The following TRAT1 variants were observed in gnomAD, a reference collection of about 807,000 sequenced individuals.
The protein encoded by TRAT1 is T cell receptor associated transmembrane adaptor 1.
In TRAT1, 20 loss-of-function variants were observed where a neutral mutation model predicts 20.0. The observed-to-expected ratio is 1.00, with a 90% CI of 0.70 to 1.45. The LOEUF is 1.45. TRAT1 is among the 40% of genes most tolerant of loss of function. The pLI, the probability that TRAT1 is intolerant of heterozygous loss-of-function variation, is 0.00. For synonymous variants in TRAT1, 77 were observed against 74.2 expected (o/e 1.04, Z -0.20); for missense variants, 237 against 224.1 (o/e 1.06, Z -0.37).
chr3:108,840,775 A>G (rs966195594), intron 3 of TRAT1, among the ~76,000 whole-genome samples: 1 of 152,208 alleles, frequency 6.6e-6, no homozygotes, highest in Non-Finnish European at 1.5e-5. Context: ...GACAAAACAC[A>G]CAAACAATGA....
Position 108,854,294 on chromosome 3 carries a change from T to TTC in TRAT1, c.*420_*421dup, listed in dbSNP as rs1239621824. ...TAAAAGCCAATGAGTTTTTTTTTAA[T>TTC]TCTCCTTTCTCACCAATGGGCAATA... is the stretch of plus-strand genomic sequence containing the variant. On this transcript the variant is annotated 3_prime_UTR_variant, in exon 6 of 6. Coordinates refer to ENST00000295756, the MANE Select transcript of TRAT1 (RefSeq NM_016388.4). 6.4e-6 allele frequency: 1 copy of TTC among 156,194 alleles called. No individual in the cohort carries two copies. Among genetic ancestry groups the TTC allele is most frequent in the Non-Finnish European group, 1.4e-5 (1 of 70,560 alleles). 9.7% of individuals were successfully genotyped at this position (156,194 alleles called of 1,614,324 possible).
Position 108,847,092 on chromosome 3 carries a change from C to T in TRAT1, c.177C>T (p.Asp59=), listed in dbSNP as rs140953430. 194 of 1,542,236 alleles carry T rather than the reference C, an allele frequency of 1.3e-4. No homozygotes were observed. The highest frequency in any genetic ancestry group is 1.7e-4 in the Non-Finnish European group (187 of 1,124,464). Residue 59 remains aspartate, a synonymous_variant, in exon 4 of 6, where the codon GAC becomes GAT. Transcript: ENST00000295756. ...HTRVDEYYIE[D]TPIYGNLDDM... The stretch of plus-strand genomic sequence containing the variant: ...GGGTTGATGAGTATTATATTGAAGA[C>T]ACACCAATTTATGGTAACTTAGATG...
chr3:108,826,154 G>A (rs1559819245), intron 1 of TRAT1, among the ~76,000 whole-genome samples: 1 of 152,162 alleles, frequency 6.6e-6, no homozygotes, highest in Non-Finnish European at 1.5e-5. Flanking sequence ...ATCATGATGT[G>A]CTAGGAAGAG....
intron 3 of TRAT1, among the ~76,000 whole-genome samples, chr3:108,846,176 TACTG>T (rs944808892): frequency 2.0e-5 from 3 of 152,312 alleles, no homozygotes; most frequent in Middle Eastern, 6.8e-3. Context: ...CACTGCCAGT[TACTG>T]ACTGTGTATC....
intron 3 of TRAT1, among the ~76,000 whole-genome samples, chr3:108,845,794 G>A (rs1945937363): frequency 6.6e-6 from 1 of 151,750 alleles, no homozygotes; most frequent in Admixed American, 6.6e-5. Flanking sequence ...TATGAAATGC[G>A]ACTCTCACCA....
At chr3:108,847,439 A>C (rs1440704917) in intron 4 of TRAT1, 1 of 248,726 alleles carries the variant, frequency 4.0e-6, no homozygotes, top group African/African-American at 2.3e-5. Flanking sequence ...AAATAAAGCT[A>C]TTTCTAGGAC....
chr3:108,839,476 AC>A (rs1227059373), intron 3 of TRAT1, among the ~76,000 whole-genome samples: 2 of 151,984 alleles, frequency 1.3e-5, no homozygotes, highest in African/African-American at 4.8e-5. Flanking sequence ...TAGAAAAAAA[AC>A]AAAACAAAAC....
chr3:108,849,477 A>G (rs2593835), intron 5 of TRAT1, among the ~76,000 whole-genome samples: 83,148 of 151,480 alleles, frequency 0.55, 23,202 homozygotes, highest in East Asian at 0.9. Context: ...AGGGAATAAT[A>G]GGATTATTCC....
At chr3:108,851,894 T>A (rs548145302) in intron 5 of TRAT1, among the ~76,000 whole-genome samples, 2 of 152,204 alleles carry the variant, frequency 1.3e-5, no homozygotes, top group African/African-American at 4.8e-5. Flanking sequence ...TGACCACACA[T>A]GCATTATTTG....
At chr3:108,850,954 T>G (rs919689639) in intron 5 of TRAT1, among the ~76,000 whole-genome samples, 3 of 152,246 alleles carry the variant, frequency 2.0e-5, no homozygotes, top group African/African-American at 7.2e-5. Flanking sequence ...TTAAAATGTC[T>G]TTAAAAGCCT....
intron 3 of TRAT1, among the ~76,000 whole-genome samples, chr3:108,839,851 TA>T (rs961778286): frequency 9.9e-5 from 15 of 152,020 alleles, no homozygotes; most frequent in East Asian, 1.9e-4. Context: ...TACATTTTTT[TA>T]AAAAAAATAT....
chr3:108,840,145 G>A lies in TRAT1; in HGVS notation c.152+1178G>A, dbSNP rs189875694. ...CTTTTTCCATGTGAAAATTTCTTGA[G>A]CAAGTATAAGATCTGGGCTGCAGGC... is the stretch of plus-strand genomic sequence containing the variant. On this transcript the variant is annotated intron_variant, in intron 3 of 5. Transcript: ENST00000295756. Among the ~76,000 whole-genome samples the A allele has an allele frequency of 2.0e-3, 311 of 152,116 alleles. 2 individuals are homozygous for A. Among genetic ancestry groups the A allele is most frequent in the Middle Eastern group, 0.01 (3 of 294 alleles).
intron 1 of TRAT1, among the ~76,000 whole-genome samples, chr3:108,829,083 T>C (rs1945767780): frequency 6.6e-6 from 1 of 152,194 alleles, no homozygotes; most frequent in Non-Finnish European, 1.5e-5. Flanking sequence ...GCTTGGACTA[T>C]TTCTAAAGCA....
At chr3:108,847,762 G>C (rs1407448864) in intron 4 of TRAT1, among the ~76,000 whole-genome samples, 1 of 152,050 alleles carries the variant, frequency 6.6e-6, no homozygotes, top group African/African-American at 2.4e-5. Context: ...CTAGAGTTCT[G>C]ATGATAGAAG....
In TRAT1 at chr3:108,854,511, G is replaced by C. The variant is rs975857258; in HGVS notation, c.*634G>C. 3.3e-5 allele frequency: 5 copies of C among 152,140 alleles called. No individual in the cohort carries two copies. Among genetic ancestry groups the C allele is most frequent in the African/African-American group, 1.2e-4 (5 of 41,446 alleles). The allele number at this position is 152,140 out of a possible 1,614,324, so 9.4% of individuals were successfully genotyped here. ...AAGAGTTTAGGAATTCTACTAGCCA[G>C]AGATAGTCACTTGGAGAAACTTTCT... is the stretch of plus-strand genomic sequence containing the variant. On this transcript the variant is annotated 3_prime_UTR_variant, in exon 6 of 6. Coordinates refer to ENST00000295756, the MANE Select transcript of TRAT1 (RefSeq NM_016388.4).
intron 1 of TRAT1, among the ~76,000 whole-genome samples, chr3:108,829,586 A>AACACAC (rs144318236): frequency 0.075 from 10,741 of 142,490 alleles, 451 homozygotes; most frequent in Middle Eastern, 0.14. Flanking sequence ...TCCATCTCAA[A>AACACAC]ACACACACAC....
chr3:108,828,558 TC>T (rs1210691075), intron 1 of TRAT1, among the ~76,000 whole-genome samples: 1 of 152,134 alleles, frequency 6.6e-6, no homozygotes, highest in African/African-American at 2.4e-5. Context: ...CTTAAGGAAA[TC>T]CCCAGGCCTT....
chr3:108,826,634 G>T (rs755267277), intron 1 of TRAT1, among the ~76,000 whole-genome samples: 3 of 152,106 alleles, frequency 2.0e-5, no homozygotes, highest in Non-Finnish European at 4.4e-5. Flanking sequence ...GTAGACTCAT[G>T]GGGATCATAA....
intron 3 of TRAT1, among the ~76,000 whole-genome samples, chr3:108,843,554 AAAC>A (rs201841156): frequency 0.011 from 1,730 of 152,002 alleles, 22 homozygotes; most frequent in Non-Finnish European, 0.016. Context: ...AAAATAAACA[AAAC>A]AACAACAACA....
Sources: gnomAD v4.1 joint callset for allele counts (sites outside exome capture counted in the v4.1 genomes callset) on GRCh38, gnomAD v4.1.1 for gene constraint, MANE v1.5 for transcripts, NCBI Gene and HGNC (gene_info 2026-07-23, HGNC 2026-07-21) for gene names.